The following EML5 variants were observed in gnomAD, a reference collection of about 807,000 sequenced individuals.
EML5 encodes the protein echinoderm microtubule-associated protein-like 5.
In EML5, 120 loss-of-function variants were observed where a neutral mutation model predicts 250.0. The observed-to-expected ratio is 0.48, with a 90% CI of 0.41 to 0.56. The LOEUF (loss-of-function observed/expected upper bound fraction) is 0.56, where lower values mean the gene tolerates loss of function less well. Among genes scored for constraint, EML5 ranks in the 20% least tolerant of loss-of-function variants. The probability of loss-of-function intolerance (pLI) is 0.00; values close to 1 mark genes in which losing one functional copy is unlikely to be tolerated. For synonymous variants in EML5, 771 were observed against 806.5 expected (o/e 0.96, Z 0.75); for missense variants, 2,006 against 2,437.6 (o/e 0.82, Z 3.73).
intron 35 of EML5, chr14:88,626,410 T>C (rs1002035825): frequency 1.8e-5 from 3 of 170,502 alleles, no homozygotes; most frequent in African/African-American, 7.2e-5. Context: ...TCACATAGCT[T>C]AGGAGCTTGA....
intron 35 of EML5, 48 bp from the exon 36 acceptor site, chr14:88,625,175 T>C (rs775485192): frequency 8.8e-6 from 14 of 1,598,650 alleles, no homozygotes; most frequent in East Asian, 2.2e-5. Context: ...AAAGTTCAAA[T>C]AGAGTTTAAA....
At chr14:88,731,464 A>G (rs2093757300) in intron 7 of EML5, among the ~76,000 whole-genome samples, 1 of 152,140 alleles carries the variant, frequency 6.6e-6, no homozygotes, top group Non-Finnish European at 1.5e-5. Context: ...AATCCAGTCT[A>G]TCACTGATGG....
chr14:88,761,738 T>C (rs974008662), intron 1 of EML5, among the ~76,000 whole-genome samples: 1 of 152,234 alleles, frequency 6.6e-6, no homozygotes, highest in African/African-American at 2.4e-5. Flanking sequence ...GGTCAAACGG[T>C]ATTTCTGGTC....
intron 1 of EML5, among the ~76,000 whole-genome samples, chr14:88,766,948 T>C (rs904368945): frequency 2.0e-5 from 3 of 152,218 alleles, no homozygotes; most frequent in African/African-American, 7.2e-5. Context: ...ACAAATGTTT[T>C]ACATTCTTTC....
intron 4 of EML5, among the ~76,000 whole-genome samples, chr14:88,741,430 G>C (rs1196450105): frequency 6.6e-6 from 1 of 152,144 alleles, no homozygotes; most frequent in African/African-American, 2.4e-5. Flanking sequence ...GGAATGATTT[G>C]TTCATTCTTG....
chr14:88,649,888 T>C (rs2091538417), intron 28 of EML5, 24 bp downstream of exon 28: 2 of 1,481,396 alleles, frequency 1.4e-6, no homozygotes, highest in Non-Finnish European at 1.8e-6. Context: ...TTGAATAAAA[T>C]ATTTTCTTTT....
At chr14:88,649,306 G>GATTACAGGCCTGAGCCACA (rs1446311575) in intron 28 of EML5, among the ~76,000 whole-genome samples, 2 of 152,112 alleles carry the variant, frequency 1.3e-5, no homozygotes, top group African/African-American at 4.8e-5. Context: ...CAAGTGCTGA[G>GATTACAGGCCTGAGCCACA]ATTACAGGCC....
chr14:88,791,625 GTAGCT>G, intron 1 of EML5, among the ~76,000 whole-genome samples: 1 of 152,316 alleles, frequency 6.6e-6, no homozygotes, highest in East Asian at 1.9e-4. Context: ...AAATACAAAA[GTAGCT>G]TATTTAGGAG....
Position 88,694,404 on chromosome 14 carries a change from T to C in EML5, c.2442A>G (p.Gly814=). Reference sequence around the variant, plus strand: ...TTACAACAAAAATCTTATCTTTACTTCCTCTGAAATAAACATCGAAATGTT... The same window carrying C: ...TTACAACAAAAATCTTATCTTTACTCCCTCTGAAATAAACATCGAAATGTT... ...KKGEKLSIAR[G]SKDKIFVVKM... is the part of the protein sequence containing the mutation. Residue 814 remains glycine (G), a synonymous_variant, in exon 17 of 44, where the codon GGA becomes GGG. Transcript: ENST00000554922. 2 of 1,558,122 alleles carry C rather than the reference T, an allele frequency of 1.3e-6. No homozygotes were observed. Among genetic ancestry groups the C allele is most frequent in the Non-Finnish European group, 1.7e-6 (2 of 1,145,944 alleles).
intron 7 of EML5, among the ~76,000 whole-genome samples, chr14:88,731,758 A>G (rs573033896): frequency 1.0e-3 from 152 of 152,280 alleles, no homozygotes; most frequent in Non-Finnish European, 1.3e-3. Flanking sequence ...AATGATCACC[A>G]TTCTAACTGG....
chr14:88,639,819 G>A (rs894000999), intron 31 of EML5, among the ~76,000 whole-genome samples: 4 of 152,072 alleles, frequency 2.6e-5, no homozygotes, highest in African/African-American at 9.7e-5. Context: ...GGCCTCAAGT[G>A]ATCCGCCCAT....
intron 1 of EML5, among the ~76,000 whole-genome samples, chr14:88,787,756 T>C (rs1566805520): frequency 6.6e-6 from 1 of 152,226 alleles, no homozygotes; most frequent in African/African-American, 2.4e-5. Context: ...CATCTAATTC[T>C]AGTTACTTAA....
chr14:88,670,961 C>T (rs1427981783), intron 21 of EML5, among the ~76,000 whole-genome samples: 2 of 151,294 alleles, frequency 1.3e-5, no homozygotes, highest in Non-Finnish European at 3.0e-5. Context: ...GGTACCTGAA[C>T]AGAACAAAGT....
intron 7 of EML5, among the ~76,000 whole-genome samples, chr14:88,728,200 CT>C (rs35595817): frequency 0.011 from 1,680 of 146,650 alleles, 10 homozygotes; most frequent in Non-Finnish European, 0.018. Flanking sequence ...CATGTACAGA[CT>C]TTTTTTTTTT....
At chr14:88,638,698 AT>A in intron 32 of EML5, 110 bp downstream of exon 32, 1 of 943,702 alleles carries the variant, frequency 1.1e-6, no homozygotes. Context: ...GTATACATAG[AT>A]TTTGAACAAT....
In EML5 at chr14:88,685,187, T is replaced by C. The variant is rs8013590; in HGVS notation, c.2855-45A>G. The stretch of plus-strand genomic sequence containing the variant: ...TGTTCTTTTAGACATACAGTTACTA[T>C]AATACAACAGTGTATATATTGCCAA... On this transcript the variant is annotated intron_variant, in intron 19 of 43. Coordinates refer to ENST00000554922, the MANE Select transcript of EML5 (RefSeq NM_183387.3). 4,182 of 1,530,928 alleles carry C rather than the reference T, an allele frequency of 2.7e-3. 5 individuals carry two copies. Among genetic ancestry groups the C allele is most frequent in the Non-Finnish European group, 3.2e-3 (3,665 of 1,128,878 alleles). 94.8% of individuals were successfully genotyped at this position (1,530,928 alleles called of 1,614,324 possible).
At chr14:88,771,699 T>C (rs1019066225) in intron 1 of EML5, among the ~76,000 whole-genome samples, 5 of 152,232 alleles carry the variant, frequency 3.3e-5, no homozygotes, top group African/African-American at 4.8e-5. Context: ...ATGTATGACA[T>C]TGCCAAACCT....
At chr14:88,783,324 G>T (rs1361508340) in intron 1 of EML5, among the ~76,000 whole-genome samples, 1 of 152,154 alleles carries the variant, frequency 6.6e-6, no homozygotes, top group Non-Finnish European at 1.5e-5. Context: ...AAATGTAAAG[G>T]ACTAAAATCT....
At chr14:88,789,551 C>T (rs1401351154) in intron 1 of EML5, among the ~76,000 whole-genome samples, 1 of 92,538 alleles carries the variant, frequency 1.1e-5, no homozygotes, top group Admixed American at 1.2e-4. Flanking sequence ...AGTCATGATT[C>T]AGCCTTTACT....
Sources: allele counts gnomAD v4.1 joint callset (sites outside exome capture counted in the v4.1 genomes callset), GRCh38; gene constraint gnomAD v4.1.1; transcripts MANE v1.5; gene names NCBI Gene and HGNC (gene_info 2026-07-23, HGNC 2026-07-21).